CHST11: variants seen among roughly 807,000 people sequenced by gnomAD.
CHST11 encodes C4S-1.
Under a neutral mutation model 30.4 loss-of-function variants are expected in CHST11, and 9 were observed. The ratio of observed to expected loss-of-function variants is 0.30; its 90% CI spans 0.18 to 0.52. The LOEUF (loss-of-function observed/expected upper bound fraction) is 0.52. Among genes scored for constraint, CHST11 ranks in the 20% least tolerant of loss-of-function variants. CHST11 has a pLI of 0.97. For missense variants in CHST11, 348 were observed against 460.6 expected (o/e 0.76, Z 2.24); for synonymous variants, 152 against 187.8 (o/e 0.81, Z 1.56).
At chr12:104,666,323 C>G (rs894626171) in intron 2 of CHST11, among the ~76,000 whole-genome samples, 1 of 152,142 alleles carries the variant, frequency 6.6e-6, no homozygotes, top group Non-Finnish European at 1.5e-5. Context: ...ACTTTGGATG[C>G]AAGCGAGAAT....
chr12:104,526,142 T>C (rs929972928), intron 1 of CHST11, among the ~76,000 whole-genome samples: 2 of 151,858 alleles, frequency 1.3e-5, no homozygotes, highest in Admixed American at 6.6e-5. Context: ...GACCAGTGAG[T>C]TGACTTTTAT....
chr12:104,737,570 A>G (rs1368567567), intron 2 of CHST11, among the ~76,000 whole-genome samples: 3 of 152,154 alleles, frequency 2.0e-5, no homozygotes, highest in Non-Finnish European at 4.4e-5. Flanking sequence ...TAGTTAGTGA[A>G]TGATCAGTTG....
chr12:104,613,554 G>T lies in CHST11; in HGVS notation c.204+11563G>T, dbSNP rs537896244. On this transcript the variant is annotated intron_variant, in intron 2 of 2. Coordinates refer to ENST00000303694, the MANE Select transcript of CHST11 (RefSeq NM_018413.6). ...GAGTTCTCATGGGAATTGGTTGTTT[G>T]AAAGTGTGTAGCACCTCCCCCTTCT... 7.1e-4 allele frequency among the ~76,000 whole-genome samples: 108 copies of T among 152,252 alleles called. No homozygotes were observed. The South Asian group carries it at 7.5e-3, about 11-fold the overall frequency.
At chr12:104,596,239 T>C (rs370353260) in intron 1 of CHST11, among the ~76,000 whole-genome samples, 1 of 152,194 alleles carries the variant, frequency 6.6e-6, no homozygotes, top group Non-Finnish European at 1.5e-5. Context: ...CAGCATGAAT[T>C]TGTGCATTTG....
intron 2 of CHST11, among the ~76,000 whole-genome samples, chr12:104,630,984 C>T (rs145458941): frequency 5.9e-5 from 9 of 152,300 alleles, no homozygotes; most frequent in East Asian, 3.9e-4. Flanking sequence ...CCCCTAATAA[C>T]GTGAACAGGG....
intron 2 of CHST11, among the ~76,000 whole-genome samples, chr12:104,719,893 G>T (rs2040160135): frequency 6.6e-6 from 1 of 152,202 alleles, no homozygotes; most frequent in African/African-American, 2.4e-5. Flanking sequence ...TAACAATCCA[G>T]GCCATGGCTT....
intron 1 of CHST11, chr12:104,514,242 G>T: frequency 1.1e-6 from 1 of 870,886 alleles, no homozygotes. Context: ...GTTTATTGGT[G>T]TTGGGGCAGC....
intron 1 of CHST11, among the ~76,000 whole-genome samples, chr12:104,488,617 G>A (rs2037711538): frequency 7.1e-6 from 1 of 141,672 alleles, no homozygotes; most frequent in African/African-American, 2.6e-5. Context: ...GTGTATGTAT[G>A]TGTGCATGTA....
chr12:104,724,020 A>T (rs1045114099), intron 2 of CHST11, among the ~76,000 whole-genome samples: 12 of 152,318 alleles, frequency 7.9e-5, no homozygotes, highest in Middle Eastern at 6.8e-3. Context: ...AAGGAGAGCT[A>T]TTAGAGGTTT....
intron 1 of CHST11, among the ~76,000 whole-genome samples, chr12:104,597,218 G>A (rs916887544): frequency 2.0e-4 from 30 of 152,100 alleles, no homozygotes; most frequent in African/African-American, 5.6e-4. Context: ...TTTAATTTTA[G>A]CTTCATTTAT....
intron 2 of CHST11, among the ~76,000 whole-genome samples, chr12:104,756,379 A>G (rs1409208907): frequency 6.6e-6 from 1 of 152,130 alleles, no homozygotes; most frequent in Non-Finnish European, 1.5e-5. Context: ...ATTCAGAGGA[A>G]CACACACATC....
chr12:104,670,876 C>T (rs1303298048), intron 2 of CHST11, among the ~76,000 whole-genome samples: 5 of 150,926 alleles, frequency 3.3e-5, no homozygotes, highest in Non-Finnish European at 5.9e-5. Flanking sequence ...ACATATACAC[C>T]AACAGAAACA....
At chr12:104,502,285 G>A (rs1303575767) in intron 1 of CHST11, among the ~76,000 whole-genome samples, 2 of 152,102 alleles carry the variant, frequency 1.3e-5, no homozygotes, top group Non-Finnish European at 2.9e-5. Context: ...GGCTTTAAGC[G>A]ATTCTCCTGC....
chr12:104,515,505 T>TTTCA (rs111866030), intron 1 of CHST11, among the ~76,000 whole-genome samples: 105 of 152,290 alleles, frequency 6.9e-4, no homozygotes, highest in Admixed American at 2.4e-3. Flanking sequence ...TAGTTTGTTT[T>TTTCA]TTCATTCATT....
At chr12:104,695,810 G>C (rs182819695) in intron 2 of CHST11, among the ~76,000 whole-genome samples, 1 of 152,138 alleles carries the variant, frequency 6.6e-6, no homozygotes, top group Non-Finnish European at 1.5e-5. Flanking sequence ...GCATTGCCAC[G>C]TACAGAGTAA....
intron 1 of CHST11, among the ~76,000 whole-genome samples, chr12:104,473,726 A>G (rs1392204430): frequency 6.6e-6 from 1 of 151,944 alleles, no homozygotes. Flanking sequence ...GTAAAAAGGC[A>G]TCTCTCTGTG....
intron 2 of CHST11, among the ~76,000 whole-genome samples, chr12:104,700,658 T>C (rs2039984509): frequency 6.6e-6 from 1 of 152,220 alleles, no homozygotes; most frequent in African/African-American, 2.4e-5. Context: ...TGGTAATACA[T>C]TCATATTGCT....
chr12:104,705,630 C>T (rs2081807), intron 2 of CHST11, among the ~76,000 whole-genome samples: 41,558 of 152,090 alleles, frequency 0.27, 9,208 homozygotes, highest in African/African-American at 0.61. Flanking sequence ...GGTTAAATAA[C>T]GTGGGCAGGG....
chr12:104,709,107 A>G (rs2040062267), intron 2 of CHST11, among the ~76,000 whole-genome samples: 1 of 152,238 alleles, frequency 6.6e-6, no homozygotes, highest in Non-Finnish European at 1.5e-5. Flanking sequence ...GAGCAAGACA[A>G]AGCAGCAGAT....
Sources: allele counts gnomAD v4.1 joint callset (sites outside exome capture counted in the v4.1 genomes callset), GRCh38; gene constraint gnomAD v4.1.1; transcripts MANE v1.5; gene names NCBI Gene and HGNC (gene_info 2026-07-23, HGNC 2026-07-21).